Variants in CDK5RAP2 observed in about 807,000 individuals in gnomAD.
CDK5RAP2 encodes the protein CDK5 regulatory subunit associated protein 2, also known as CDK5 regulatory subunit-associated protein 2.
A neutral mutation model predicts 232.9 loss-of-function variants in CDK5RAP2; 147 were observed. That is an observed-to-expected ratio of 0.63 (90% CI 0.55 to 0.72). The LOEUF (loss-of-function observed/expected upper bound fraction) is 0.72. CDK5RAP2 is among the 30% of genes least tolerant of loss of function. The pLI, the probability that CDK5RAP2 is intolerant of heterozygous loss-of-function variation, is 0.00. For synonymous variants in CDK5RAP2, 833 were observed against 833.7 expected, an observed-to-expected ratio of 1.00 and a Z score of 0.01; for missense variants, 2,195 against 2,231.5, an observed-to-expected ratio of 0.98 and a Z score of 0.33.
intron 12 of CDK5RAP2, among the ~76,000 whole-genome samples, chr9:120,506,307 G>A (rs558827229): frequency 2.0e-5 from 3 of 152,308 alleles, no homozygotes; most frequent in East Asian, 1.9e-4. Context: ...GAGACCTACT[G>A]TTCAGAAACA....
Position 120,389,804 on chromosome 9 carries a change from G to C in CDK5RAP2, c.5579-17C>G. On this transcript the variant is annotated splice_polypyrimidine_tract_variant and intron_variant, in intron 36 of 37. Transcript: ENST00000349780. ...TTACGACCACTGAGGAGAGAGCAAAGAATGCAATGATTAGGGCCATGGATA... is the reference window on the plus strand; with the variant it reads ...TTACGACCACTGAGGAGAGAGCAAACAATGCAATGATTAGGGCCATGGATA... The C allele has an allele frequency of 6.2e-7, 1 of 1,613,306 alleles. No individual in the cohort carries two copies. The highest frequency in any genetic ancestry group is 8.5e-7 in the Non-Finnish European group (1 of 1,179,212).
chr9:120,563,066 G>C (rs1218458014), intron 3 of CDK5RAP2, among the ~76,000 whole-genome samples: 2 of 152,194 alleles, frequency 1.3e-5, no homozygotes, highest in African/African-American at 4.8e-5. Context: ...TGGTGGGAGA[G>C]ACAGGGCGCT....
intron 13 of CDK5RAP2, among the ~76,000 whole-genome samples, chr9:120,490,994 C>A (rs1377490666): frequency 6.6e-6 from 1 of 152,150 alleles, no homozygotes; most frequent in Non-Finnish European, 1.5e-5. Flanking sequence ...AAATAAGTAA[C>A]AGGAAGTATT....
chr9:120,409,832 A>C (rs2033733178), intron 29 of CDK5RAP2, among the ~76,000 whole-genome samples: 1 of 152,268 alleles, frequency 6.6e-6, no homozygotes, highest in Non-Finnish European at 1.5e-5. Context: ...GCCACATTCA[A>C]GAGCAGCTTC....
chr9:120,518,210 TGAGAGA>T (rs146336954), intron 12 of CDK5RAP2, among the ~76,000 whole-genome samples: 562 of 43,804 alleles, frequency 0.013, 2 homozygotes, highest in South Asian at 0.054. Flanking sequence ...TGTGTGTGTG[TGAGAGA>T]GAGAGAGAGA....
chr9:120,513,502 C>CA (rs1304688149), intron 12 of CDK5RAP2, among the ~76,000 whole-genome samples: 1 of 152,194 alleles, frequency 6.6e-6, no homozygotes, highest in Admixed American at 6.5e-5. Context: ...TCTTCTTCCC[C>CA]AAAATCACCA....
rs1222245437 is a variant in CDK5RAP2 at position 120,439,840 on chromosome 9, A to C, written c.3281T>G (p.Val1094Gly). 3.1e-6 allele frequency: 5 copies of C among 1,614,002 alleles called. No homozygotes were observed. The highest frequency in any genetic ancestry group is 1.7e-5 in the Admixed American group (1 of 59,996). Residue 1094 changes from valine (V) to glycine (G), a missense_variant, in exon 24 of 38, where the codon GTG (valine) becomes GGG (glycine). Transcript: ENST00000349780. ...GCTCTCTGACTGATCAGTCCCCATC[A>C]CACTGACTTTAGCAGAAGGCTGACT... ...SKSQPSAKVS[V>G]MGTDQSESIN... is the part of the protein sequence containing the mutation.
chr9:120,412,147 A>G (rs1021802641), intron 28 of CDK5RAP2, among the ~76,000 whole-genome samples: 1 of 152,222 alleles, frequency 6.6e-6, no homozygotes, highest in African/African-American at 2.4e-5. Flanking sequence ...ACTCAAAAAC[A>G]TCTGATGGCC....
intron 17 of CDK5RAP2, among the ~76,000 whole-genome samples, chr9:120,469,783 C>T (rs1433907895): frequency 6.6e-6 from 1 of 152,074 alleles, no homozygotes; most frequent in Non-Finnish European, 1.5e-5. Flanking sequence ...AATTATAGAT[C>T]AGTAAAATAA....
At chr9:120,499,562 A>T (rs1271479390) in intron 12 of CDK5RAP2, among the ~76,000 whole-genome samples, 1 of 152,172 alleles carries the variant, frequency 6.6e-6, no homozygotes, top group Admixed American at 6.5e-5. Flanking sequence ...AAAAATTGTT[A>T]ATTTTTTTCT....
At chr9:120,569,527 T>G (rs1333930673) in intron 2 of CDK5RAP2, among the ~76,000 whole-genome samples, 1 of 152,148 alleles carries the variant, frequency 6.6e-6, no homozygotes, top group African/African-American at 2.4e-5. Flanking sequence ...TGGGGGAGAA[T>G]TCTCCACATT....
chr9:120,575,568 G>A (rs2043003788), intron 1 of CDK5RAP2, among the ~76,000 whole-genome samples: 1 of 152,096 alleles, frequency 6.6e-6, no homozygotes, highest in Non-Finnish European at 1.5e-5. Flanking sequence ...GATGAGACCA[G>A]ATATCACATT....
rs558587857 is a variant in CDK5RAP2 at position 120,439,284 on chromosome 9, G to GAAC, written c.3722+112_3722+114dup. The GAAC allele has an allele frequency of 5.3e-4, 513 of 968,234 alleles. 3 individuals are homozygous for GAAC. The African/African-American group carries it at 7.3e-3, about 14-fold the overall frequency. The allele number at this position is 968,234 out of a possible 1,614,324, so 60.0% of individuals were successfully genotyped here. Reference sequence around the variant, plus strand: ...GAACCCCACCATCAAGCCTTCCCCAGAACACACTCTACCCATCACAGAGTA... The same window carrying GAAC: ...GAACCCCACCATCAAGCCTTCCCCAGAACAACACACTCTACCCATCACAGAGTA... On this transcript the variant is annotated intron_variant, in intron 24 of 37. Transcript: ENST00000349780.
intron 25 of CDK5RAP2, among the ~76,000 whole-genome samples, chr9:120,435,077 A>G (rs2035499075): frequency 6.6e-6 from 1 of 152,256 alleles, no homozygotes; most frequent in Non-Finnish European, 1.5e-5. Context: ...ATACAAATAA[A>G]AACAAATGAA....
intron 3 of CDK5RAP2, 73 bp from the exon 4 acceptor site, chr9:120,550,975 G>A: frequency 1.2e-6 from 1 of 835,586 alleles, no homozygotes. Context: ...ACATACATTA[G>A]TCGCTATGGA....
chr9:120,446,987 T>C (rs757656721), intron 22 of CDK5RAP2, among the ~76,000 whole-genome samples: 5 of 151,912 alleles, frequency 3.3e-5, no homozygotes, highest in African/African-American at 7.3e-5. Context: ...GCCCCGACCC[T>C]ACACACACAC....
chr9:120,412,895 C>T (rs903309183), intron 28 of CDK5RAP2, among the ~76,000 whole-genome samples: 6 of 152,168 alleles, frequency 3.9e-5, no homozygotes, highest in Admixed American at 3.9e-4. Flanking sequence ...ATGTCTCACC[C>T]CACCATCTTC....
chr9:120,441,235 C>A (rs1018857812), intron 23 of CDK5RAP2, among the ~76,000 whole-genome samples: 1 of 152,132 alleles, frequency 6.6e-6, no homozygotes, highest in African/African-American at 2.4e-5. Context: ...TAAGGGGCAG[C>A]GGAATGTAGT....
intron 5 of CDK5RAP2, 50 bp from the exon 6 acceptor site, chr9:120,539,214 G>C: frequency 6.2e-7 from 1 of 1,611,020 alleles, no homozygotes; most frequent in South Asian, 1.1e-5. Flanking sequence ...TGGTCTGATG[G>C]TTATTTCACA....
Sources: gnomAD v4.1 joint callset for allele counts (sites outside exome capture counted in the v4.1 genomes callset) on GRCh38, gnomAD v4.1.1 for gene constraint, MANE v1.5 for transcripts, NCBI Gene and HGNC (gene_info 2026-07-23, HGNC 2026-07-21) for gene names.